Variants in SLC22A23 observed in about 807,000 individuals in gnomAD.
SLC22A23 encodes the protein ion transporter protein.
A neutral mutation model predicts 61.0 loss-of-function variants in SLC22A23; 26 were observed. That is an observed-to-expected ratio of 0.43 (90% CI 0.31 to 0.59). SLC22A23 has a LOEUF of 0.59. Ranked by LOEUF, SLC22A23 falls within the 20% of genes least tolerant of loss-of-function variation. SLC22A23 has a pLI of 0.11. For missense variants in SLC22A23, 796 were observed against 934.7 expected, an observed-to-expected ratio of 0.85 and a Z score of 1.94; for synonymous variants, 430 against 413.9, an observed-to-expected ratio of 1.04 and a Z score of -0.47.
intron 4 of SLC22A23, among the ~76,000 whole-genome samples, chr6:3,316,628 T>C (rs9378785): frequency 0.063 from 9,666 of 152,222 alleles, 562 homozygotes; most frequent in East Asian, 0.24. Context: ...CACCTACTCT[T>C]AGAGCAGACG....
In SLC22A23 at chr6:3,273,171, G is replaced by C. The variant is rs1198774645; in HGVS notation, c.1945C>G (p.Gln649Glu). The change falls in exon 10 of 10, where the codon CAG becomes GAG. Residue 649 changes from glutamine (Q) to glutamate (E), a missense_variant. Coordinates refer to ENST00000406686, the MANE Select transcript of SLC22A23 (RefSeq NM_015482.2). ...TCGGCGTTGGTGAGCAGCAGTGGCT[G>C]CTCCCCCTTCTTGTGCGGCAGCAGC... Reference protein sequence around the residue: ...QPLLPHKKGEQPLLLTNAELK... With the variant: ...QPLLPHKKGEEPLLLTNAELK... 2.5e-6 allele frequency: 4 copies of C among 1,612,736 alleles called. No homozygotes were observed. The Admixed American group carries it at 5.0e-5, about 20-fold the overall frequency.
chr6:3,415,918 T>G (rs1769664222), intron 1 of SLC22A23, 63 bp from the exon 2 acceptor site: 1 of 1,245,934 alleles, frequency 8.0e-7, no homozygotes, highest in South Asian at 1.3e-5. Flanking sequence ...TCGTACTCAA[T>G]TATAAGGGCA....
At chr6:3,391,166 C>T (rs546520334) in intron 3 of SLC22A23, among the ~76,000 whole-genome samples, 199 of 152,366 alleles carry the variant, frequency 1.3e-3, no homozygotes, top group African/African-American at 4.6e-3. Flanking sequence ...TCATTATTCA[C>T]CATTCCCCTT....
At chr6:3,447,583 C>CTT (rs757788904) in intron 1 of SLC22A23, among the ~76,000 whole-genome samples, 12,002 of 113,372 alleles carry the variant, frequency 0.11, 1,140 homozygotes, top group African/African-American at 0.19. Flanking sequence ...AAGAAACTTT[C>CTT]TTTTTTTTTT....
At chr6:3,320,146 G>T (rs1330146929) in intron 4 of SLC22A23, among the ~76,000 whole-genome samples, 1 of 152,192 alleles carries the variant, frequency 6.6e-6, no homozygotes, top group Non-Finnish European at 1.5e-5. Flanking sequence ...AGATGCCCTG[G>T]GAGCTGCCTC....
intron 1 of SLC22A23, among the ~76,000 whole-genome samples, chr6:3,435,898 G>A (rs978600604): frequency 1.3e-5 from 2 of 152,198 alleles, no homozygotes; most frequent in Non-Finnish European, 2.9e-5. Context: ...GGAGGACCAC[G>A]TGGGGACAGA....
rs1772398214 is a variant in SLC22A23 at position 3,456,209 on chromosome 6, G to A, written c.351C>T (p.Asp117=). Residue 117 remains aspartate, a synonymous_variant, in exon 1 of 10, where the codon GAC becomes GAT. Coordinates refer to ENST00000406686, the MANE Select transcript of SLC22A23 (RefSeq NM_015482.2). The surrounding 1 kb of genome is among the most constrained non-coding windows in gnomAD (Gnocchi z 7.1). ...ALFIGFSQFS[D]SFLLDQPNFW... ...AGTTGGGCTGGTCCAGGAGGAACGAGTCCGAGAACTGGCTGAAGCCGATGA... is the reference window on the plus strand; with the variant it reads ...AGTTGGGCTGGTCCAGGAGGAACGAATCCGAGAACTGGCTGAAGCCGATGA... The A allele has an allele frequency of 1.3e-6, 2 of 1,551,294 alleles. No homozygotes were observed. Among genetic ancestry groups the A allele is most frequent in the African/African-American group, 1.4e-5 (1 of 73,040 alleles).
intron 4 of SLC22A23, among the ~76,000 whole-genome samples, chr6:3,315,651 G>A (rs749062418): frequency 1.3e-5 from 2 of 152,102 alleles, no homozygotes; most frequent in Non-Finnish European, 2.9e-5. Context: ...GGATCACTAG[G>A]TCAGAGATCC....
At chr6:3,436,159 T>A (rs911131164) in intron 1 of SLC22A23, among the ~76,000 whole-genome samples, 2 of 103,776 alleles carry the variant, frequency 1.9e-5, no homozygotes, top group African/African-American at 6.9e-5. Flanking sequence ...TCATCTATAC[T>A]TTTTTTTTTT....
At chr6:3,359,023 G>C (rs1765281012) in intron 3 of SLC22A23, among the ~76,000 whole-genome samples, 1 of 152,214 alleles carries the variant, frequency 6.6e-6, no homozygotes, top group Non-Finnish European at 1.5e-5. Context: ...TCAAGTCTCA[G>C]TCATTCAGGA....
At chr6:3,367,556 G>C (rs1425189056) in intron 3 of SLC22A23, among the ~76,000 whole-genome samples, 1 of 152,146 alleles carries the variant, frequency 6.6e-6, no homozygotes, top group East Asian at 1.9e-4. Context: ...CATAGCAGGG[G>C]CCAGGCAGCT....
At chr6:3,366,768 C>T (rs1201377153) in intron 3 of SLC22A23, among the ~76,000 whole-genome samples, 2 of 152,124 alleles carry the variant, frequency 1.3e-5, no homozygotes, top group South Asian at 2.1e-4. Flanking sequence ...ATTCACCTCC[C>T]GACCTCATCC....
At position 3,427,119 on chromosome 6, in the gene SLC22A23, G is replaced by A. The variant is rs1406622792; in HGVS notation, c.655-11264C>T. ...AGTTTTATTTCTAGTTTCGCCCCGC[G>A]GTCATCAGGGCAAGCTTTTTCACCG... is the stretch of plus-strand genomic sequence containing the variant. On this transcript the variant is annotated intron_variant, in intron 1 of 9. Transcript: ENST00000406686. The surrounding 1 kb of genome is among the most constrained non-coding windows in gnomAD (Gnocchi z 4.3). Among the ~76,000 whole-genome samples the A allele has an allele frequency of 1.3e-5, 2 of 152,150 alleles. No homozygotes were observed. Among genetic ancestry groups the A allele is most frequent in the South Asian group, 2.1e-4 (1 of 4,832 alleles).
chr6:3,272,196 C>G lies in SLC22A23; in HGVS notation c.*859G>C, dbSNP rs1041428945. On this transcript the variant is annotated 3_prime_UTR_variant, in exon 10 of 10. Coordinates refer to ENST00000406686, the MANE Select transcript of SLC22A23 (RefSeq NM_015482.2). ...GTAGCTTAGAAAGTAGCCATGTTTT[C>G]AAGTAGTGCCGGCACAAGAGCTGCC... 2 of 152,566 alleles carry G rather than the reference C, an allele frequency of 1.3e-5. No individual in the cohort carries two copies. The highest frequency in any genetic ancestry group is 6.5e-5 in the Admixed American group (1 of 15,276). The allele number at this position is 152,566 out of a possible 1,614,324, so 9.5% of individuals were successfully genotyped here. A position where few individuals can be genotyped will look rare whatever the true frequency, so the allele number is the denominator to read the frequency against.
intron 5 of SLC22A23, 122 bp from the exon 6 acceptor site, chr6:3,289,988 T>TC (rs1277387499): frequency 1.4e-6 from 1 of 727,610 alleles, no homozygotes; most frequent in East Asian, 2.8e-5. Context: ...AAGCTTTTTT[T>TC]TTTTTTTTTT....
intron 5 of SLC22A23, chr6:3,290,243 C>T (rs556344205): frequency 9.3e-5 from 30 of 321,746 alleles, no homozygotes; most frequent in South Asian, 8.3e-4. Flanking sequence ...ACTCATTAGG[C>T]CCTGGGCAAA....
chr6:3,275,112 G>C (rs763676614), intron 9 of SLC22A23, among the ~76,000 whole-genome samples: 5 of 152,070 alleles, frequency 3.3e-5, no homozygotes, highest in Non-Finnish European at 5.9e-5. Flanking sequence ...GTGTGGTGTT[G>C]GTGTATATAT....
chr6:3,286,868 G>A lies in SLC22A23; in HGVS notation c.1537C>T (p.Leu513Phe). ...TCCCCGACCCACTCACGGTTGAGGA[G>A]GCCGAGCTGCAGGAGTGAGGCCAGG... is the stretch of plus-strand genomic sequence containing the variant. The part of the protein sequence containing the change: ...TALASLLQLG[L>F]LNLIGKYSQH... Residue 513 changes from leucine to phenylalanine, a missense_variant, in exon 7 of 10, where the codon CTC becomes TTC. Coordinates refer to ENST00000406686, the MANE Select transcript of SLC22A23 (RefSeq NM_015482.2). This position sits in a 1 kb window ranked among gnomAD's most constrained non-coding sequence, Gnocchi z 4.2. 1 of 1,597,388 alleles carries A rather than the reference G, an allele frequency of 6.3e-7. No homozygotes were observed. Among genetic ancestry groups the A allele is most frequent in the Non-Finnish European group, 8.5e-7 (1 of 1,172,634 alleles).
intron 3 of SLC22A23, among the ~76,000 whole-genome samples, chr6:3,371,968 G>A (rs1214756352): frequency 3.9e-5 from 6 of 152,134 alleles, no homozygotes; most frequent in Non-Finnish European, 7.4e-5. Flanking sequence ...TTTGGAGGAT[G>A]CATCTTAGAA....
Sources: gnomAD v4.1 joint callset for allele counts (sites outside exome capture counted in the v4.1 genomes callset) on GRCh38, gnomAD v4.1.1 for gene constraint, Gnocchi (gnomAD v3.1) non-coding constraint, MANE v1.5 for transcripts, NCBI Gene and HGNC (gene_info 2026-07-23, HGNC 2026-07-21) for gene names.